The following HTATSF1 variants were observed in gnomAD, a reference collection of about 807,000 sequenced individuals.
HTATSF1 encodes the protein 17S U2 SnRNP complex component HTATSF1.
Under a neutral mutation model 46.1 loss-of-function variants are expected in HTATSF1, and 6 were observed. The observed-to-expected ratio is 0.13, with a 90% CI of 0.07 to 0.26. The LOEUF is 0.26. Ranked by LOEUF, HTATSF1 falls within the 10% of genes least tolerant of loss-of-function variation. The probability of loss-of-function intolerance (pLI) is 1.00; values close to 1 mark genes in which losing one functional copy is unlikely to be tolerated. For synonymous variants in HTATSF1, 226 were observed against 211.5 expected (o/e 1.07, Z -0.60); for missense variants, 452 against 559.9 (o/e 0.81, Z 1.94).
In HTATSF1 at chrX:136,511,633, G is replaced by T; in HGVS notation, c.1888G>T (p.Glu630Ter). ...FDEDSDEKEE[E>*]EDTYEKVFDD... ...CGAAGATTCAGATGAAAAGGAAGAAGAGGAGGATACATATGAAAAAGTATT... is the reference window on the plus strand; with the variant it reads ...CGAAGATTCAGATGAAAAGGAAGAATAGGAGGATACATATGAAAAAGTATT... Residue 630 changes from glutamate to a stop codon, truncating the protein, a stop_gained, in exon 9 of 9, where the codon GAG (glutamate) becomes TAG (stop). Coordinates refer to ENST00000218364, the MANE Select transcript of HTATSF1 (RefSeq NM_014500.5). LOFTEE classifies it high-confidence loss of function. 2 of 1,210,997 alleles carry T rather than the reference G, an allele frequency of 1.7e-6. No individual in the cohort carries two copies. The highest frequency in any genetic ancestry group is 2.2e-6 in the Non-Finnish European group (2 of 895,055).
chrX:136,500,764 T>C lies in HTATSF1; in HGVS notation c.516T>C (p.Leu172=). The C allele has an allele frequency of 2.6e-6, 3 of 1,143,136 alleles. No homozygotes were observed. Among genetic ancestry groups the C allele is most frequent in the Non-Finnish European group, 3.5e-6 (3 of 860,884 alleles). 94.2% of individuals were successfully genotyped at this position (1,143,136 alleles called of 1,213,427 possible). A position where few individuals can be genotyped will look rare whatever the true frequency, so the allele number is the denominator to read the frequency against. Residue 172 remains leucine, a synonymous_variant, in exon 4 of 9, where the codon CTT becomes CTC. Transcript: ENST00000218364. ...AGACAGAAGAATTTAAGGTCAAACT[T>C]TACAAAGATAATCAAGGAAATCTTA... is the stretch of plus-strand genomic sequence containing the variant. ...DPQTEEFKVK[L]YKDNQGNLKG... is the part of the protein sequence containing the mutation.
chrX:136,500,045 C>T, intron 2 of HTATSF1, 113 bp from the exon 3 acceptor site: 1 of 552,490 alleles, frequency 1.8e-6, no homozygotes, highest in Non-Finnish European at 3.1e-6. Flanking sequence ...TTAAGAGTAA[C>T]AGAAAGGTCG....
intron 7 of HTATSF1, 151 bp downstream of exon 7, chrX:136,509,331 A>G: frequency 4.5e-6 from 2 of 441,418 alleles, no homozygotes; most frequent in Middle Eastern, 5.0e-4. Context: ...AGCAATAATG[A>G]GATGAACGTG....
chrX:136,503,354 T>C (rs747067711), intron 5 of HTATSF1, among the ~76,000 whole-genome samples: 2 of 112,443 alleles, frequency 1.8e-5, no homozygotes, highest in South Asian at 7.3e-4. Flanking sequence ...TTACTGTAGT[T>C]GTATGTAGTA....
chrX:136,503,973 C>T (rs1266265565), intron 5 of HTATSF1, among the ~76,000 whole-genome samples: 1 of 111,255 alleles, frequency 9.0e-6, no homozygotes, highest in African/African-American at 3.3e-5. Context: ...GGGGTTCAAG[C>T]TATACTCATG....
At chrX:136,502,258 G>A (rs747198329) in intron 4 of HTATSF1, among the ~76,000 whole-genome samples, 2 of 111,674 alleles carry the variant, frequency 1.8e-5, no homozygotes, top group Non-Finnish European at 3.8e-5. Flanking sequence ...GCTGTCTATG[G>A]TGTTCCCAAT....
At chrX:136,502,407 A>G (rs186312709) in intron 4 of HTATSF1, among the ~76,000 whole-genome samples, 79 of 111,977 alleles carry the variant, frequency 7.1e-4, no homozygotes, top group Middle Eastern at 4.6e-3. Context: ...CCCAATAATA[A>G]TATTTATTGA....
Position 136,498,353 on chromosome X carries a change from G to A in HTATSF1, c.186+483G>A, listed in dbSNP as rs1450245214. Among the ~76,000 whole-genome samples the A allele has an allele frequency of 2.7e-5, 3 of 111,949 alleles. No individual in the cohort carries two copies. In the Admixed American group the frequency reaches 2.8e-4, roughly 11 times the overall value. On this transcript the variant is annotated intron_variant, in intron 1 of 8. Transcript: ENST00000218364. ...ACTTTCCTAGTAAATTTTGTCCCTA[G>A]GCATATATGTTTGAACCATATAACC...
intron 5 of HTATSF1, among the ~76,000 whole-genome samples, chrX:136,504,083 C>T (rs955703473): frequency 8.1e-5 from 9 of 110,992 alleles, no homozygotes; most frequent in Admixed American, 3.8e-4. Flanking sequence ...GTTGGCCAGG[C>T]TGGTCTTGAA....
intron 1 of HTATSF1, among the ~76,000 whole-genome samples, chrX:136,499,127 T>C (rs1466141736): frequency 8.9e-6 from 1 of 112,935 alleles, no homozygotes; most frequent in Non-Finnish European, 1.9e-5. Flanking sequence ...GCTCTCTGCA[T>C]ACAGATATTT....
chrX:136,505,700 G>C (rs1156523835), intron 6 of HTATSF1, among the ~76,000 whole-genome samples: 1 of 111,625 alleles, frequency 9.0e-6, no homozygotes, highest in African/African-American at 3.3e-5. Flanking sequence ...GCTGATTCAG[G>C]AGAATCACCT....
At chrX:136,499,824 A>G (rs776227696) in intron 2 of HTATSF1, 46 bp downstream of exon 2, 1 of 960,009 alleles carries the variant, frequency 1.0e-6, no homozygotes, top group South Asian at 2.6e-5. Flanking sequence ...AATTAAAAAT[A>G]TGGGTGTGCA....
intron 4 of HTATSF1, among the ~76,000 whole-genome samples, chrX:136,502,532 C>T (rs6654314): frequency 9.0e-6 from 1 of 110,961 alleles, no homozygotes; most frequent in Admixed American, 9.6e-5. Context: ...GATATTGGGG[C>T]TCAGGAAGCT....
Position 136,500,188 on chromosome X carries a change from C to T in HTATSF1, c.398C>T (p.Thr133Ile). The T allele has an allele frequency of 9.0e-7, 1 of 1,104,989 alleles. No homozygotes were observed. Among genetic ancestry groups the T allele is most frequent in the Non-Finnish European group, 1.2e-6 (1 of 803,916 alleles). 91.1% of individuals were successfully genotyped at this position (1,104,989 alleles called of 1,213,427 possible). A position where few individuals can be genotyped will look rare whatever the true frequency, so the allele number is the denominator to read the frequency against. Residue 133 changes from threonine (T) to isoleucine (I), a missense_variant, in exon 3 of 9, where the codon ACA becomes ATA. Thr to Ile is a moderately conservative substitution (Grantham distance 89, BLOSUM62 -1). This residue lies in a region of HTATSF1 where 117 missense variants were observed against 222.2 expected (regional missense o/e 0.53). Coordinates refer to ENST00000218364, the MANE Select transcript of HTATSF1 (RefSeq NM_014500.5). Reference sequence around the variant, plus strand: ...TTTCATGTTGAAGAAGACAGAAATACAAATGTATACGTGTCTGGTATGTAT... The same window carrying T: ...TTTCATGTTGAAGAAGACAGAAATATAAATGTATACGTGTCTGGTATGTAT... ...GWFHVEEDRNTNVYVSGLPPD... is the reference protein window; with the variant it reads ...GWFHVEEDRNINVYVSGLPPD...
intron 6 of HTATSF1, 100 bp from the exon 7 acceptor site, chrX:136,508,990 AC>A: frequency 1.6e-6 from 1 of 613,543 alleles, no homozygotes; most frequent in Non-Finnish European, 2.7e-6. Context: ...CTTAAGCAAA[AC>A]CTTTTTCTGT....
Position 136,511,836 on chromosome X carries a change from C to T in HTATSF1, c.2091C>T (p.Phe697=), listed in dbSNP as rs774018492. ...TTGAAGATGCTGACGAAAAGTTGTT[C>T]GAAGATGATGATTCCAATGAGAAGT... ...KEVEDADEKL[F]EDDDSNEKLF... The change falls in exon 9 of 9, where the codon TTC becomes TTT. Residue 697 remains phenylalanine (F), a synonymous_variant. Coordinates refer to ENST00000218364, the MANE Select transcript of HTATSF1 (RefSeq NM_014500.5). 1.7e-5 allele frequency: 20 copies of T among 1,209,345 alleles called. No homozygotes were observed. Among genetic ancestry groups the T allele is most frequent in the African/African-American group, 1.4e-4 (8 of 57,079 alleles).
Position 136,510,951 on chromosome X carries a change from T to C in HTATSF1, c.1206T>C (p.Phe402=), listed in dbSNP as rs762712443. The C allele has an allele frequency of 1.7e-6, 2 of 1,211,801 alleles. No individual in the cohort carries two copies. The highest frequency in any genetic ancestry group is 2.2e-6 in the Non-Finnish European group (2 of 895,489). Residue 402 remains phenylalanine (F), a synonymous_variant, in exon 9 of 9, where the codon TTT becomes TTC. Transcript: ENST00000218364. ...ERAGPSRARH[F]SEHPSTSKMN... is the part of the protein sequence containing the mutation. ...CAGGGCCTTCTAGAGCAAGGCATTTTTCAGAGCACCCCAGCACATCTAAAA... is the reference window on the plus strand; with the variant it reads ...CAGGGCCTTCTAGAGCAAGGCATTTCTCAGAGCACCCCAGCACATCTAAAA...
In HTATSF1 at chrX:136,509,300, A is replaced by G. The variant is rs2075756820; in HGVS notation, c.924+120A>G. ...TAATGTTTTTATATAGTAGTCCACT[A>G]TCTTGTGATAATCATCTATTAGCAA... On this transcript the variant is annotated intron_variant, in intron 7 of 8. Transcript: ENST00000218364. 4.0e-5 allele frequency: 19 copies of G among 475,370 alleles called. No homozygotes were observed. In the South Asian group the frequency reaches 5.9e-4, roughly 15 times the overall value. 39.2% of individuals were successfully genotyped at this position (475,370 alleles called of 1,213,427 possible).
Position 136,505,411 on chromosome X carries a change from A to C in HTATSF1, c.834+948A>C, listed in dbSNP as rs188753116. Among the ~76,000 whole-genome samples the C allele has an allele frequency of 4.3e-3, 475 of 111,256 alleles. 1 individual carries two copies. The highest frequency in any genetic ancestry group is 6.4e-3 in the Non-Finnish European group (339 of 53,014). On this transcript the variant is annotated intron_variant, in intron 6 of 8. Coordinates refer to ENST00000218364, the MANE Select transcript of HTATSF1 (RefSeq NM_014500.5). ...GATAAGGTTTACTGTGTACCTATGG[A>C]GTTTGGGCATCTTTTGAGGTCATTG...
Sources: gnomAD v4.1 joint callset for allele counts (sites outside exome capture counted in the v4.1 genomes callset) on GRCh38, gnomAD v4.1.1 for gene constraint, gnomAD v4.1.1 regional missense constraint, MANE v1.5 for transcripts, NCBI Gene and HGNC (gene_info 2026-07-23, HGNC 2026-07-21) for gene names.